The following NAV3 variants were observed in gnomAD, a reference collection of about 807,000 sequenced individuals.
The protein encoded by NAV3 is pore membrane and/or filament interacting like protein 1.
A neutral mutation model predicts 244.7 loss-of-function variants in NAV3; 87 were observed. The observed-to-expected ratio is 0.36, with a 90% confidence interval of 0.30 to 0.42. The LOEUF is 0.42. Ranked by LOEUF, NAV3 falls within the 20% of genes least tolerant of loss-of-function variation. NAV3 has a pLI of 1.00. For missense variants in NAV3, 2,663 were observed against 2,893.3 expected (o/e 0.92, Z 1.83); for synonymous variants, 1,126 against 1,042.2 (o/e 1.08, Z -1.55).
chr12:77,971,683 A>C (rs1011148649), intron 5 of NAV3, among the ~76,000 whole-genome samples: 1 of 152,150 alleles, frequency 6.6e-6, no homozygotes, highest in Non-Finnish European at 1.5e-5. Flanking sequence ...GGTGTGAGTC[A>C]TAAATCATGA....
chr12:77,947,734 T>A (rs1890497034), intron 3 of NAV3, among the ~76,000 whole-genome samples: 1 of 152,010 alleles, frequency 6.6e-6, no homozygotes, highest in Non-Finnish European at 1.5e-5. Context: ...GATTTCATTA[T>A]TTTTATACAA....
intron 1 of NAV3, among the ~76,000 whole-genome samples, chr12:77,938,432 T>C (rs1255303994): frequency 6.6e-6 from 1 of 152,178 alleles, no homozygotes; most frequent in African/African-American, 2.4e-5. Context: ...TGGATATTAA[T>C]AAAAGGAGAT....
At chr12:78,190,472 C>G (rs115746531) in intron 34 of NAV3, among the ~76,000 whole-genome samples, 1,967 of 151,992 alleles carry the variant, frequency 0.013, 33 homozygotes, top group African/African-American at 0.045. Context: ...TGACAGGTCT[C>G]CTATGGCATG....
At chr12:77,967,088 T>C (rs1488973118) in intron 4 of NAV3, among the ~76,000 whole-genome samples, 3 of 152,090 alleles carry the variant, frequency 2.0e-5, no homozygotes, top group African/African-American at 7.2e-5. Context: ...CTGGTAGTTC[T>C]GTAACTTCGA....
At chr12:78,139,724 GA>G (rs145572148) in intron 19 of NAV3, among the ~76,000 whole-genome samples, 27 of 147,154 alleles carry the variant, frequency 1.8e-4, no homozygotes, top group African/African-American at 3.7e-4. Context: ...ACATCACCTT[GA>G]AAAAAAAAAG....
chr12:77,632,584 T>G (rs1871963594), intron 2 of NAV3, among the ~76,000 whole-genome samples: 1 of 152,160 alleles, frequency 6.6e-6, no homozygotes, highest in Admixed American at 6.6e-5. Context: ...CCACGACACG[T>G]GGGAATTGTG....
intron 12 of NAV3, among the ~76,000 whole-genome samples, chr12:78,089,393 A>G (rs1953806523): frequency 6.6e-6 from 1 of 152,160 alleles, no homozygotes. Context: ...TATTAAGAGA[A>G]CCACAGCACT....
chr12:77,717,400 C>G (rs779060507), intron 2 of NAV3, among the ~76,000 whole-genome samples: 49 of 152,026 alleles, frequency 3.2e-4, no homozygotes, highest in Non-Finnish European at 6.3e-4. Flanking sequence ...TGGCTTATTT[C>G]ACTTATCATG....
rs1371711747 is a variant in NAV3, at chr12:77,823,764, G to C, written c.73-116555G>C. On this transcript the variant is annotated intron_variant, in intron 2 of 8. Transcript: ENST00000550042. ...AGCAATGTGACATGACTCATATCCA[G>C]GAGGGAAAAAAATCCATTAATGGAA... Among the ~76,000 whole-genome samples, 3 of 151,950 alleles carry C rather than the reference G, an allele frequency of 2.0e-5. No homozygotes were observed. The East Asian group carries it at 5.8e-4, about 29-fold the overall frequency.
chr12:77,950,447 T>C (rs568287588), intron 3 of NAV3: 1 of 152,292 alleles, frequency 6.6e-6, no homozygotes, highest in Non-Finnish European at 1.5e-5. Flanking sequence ...TTATATGTCT[T>C]CAGTATATCT....
intron 2 of NAV3, among the ~76,000 whole-genome samples, chr12:77,662,654 C>CTTTACA (rs1873519498): frequency 1.3e-5 from 2 of 152,000 alleles, no homozygotes; most frequent in Admixed American, 1.3e-4. Flanking sequence ...CTTTTCCTAA[C>CTTTACA]TATGATTAAT....
At chr12:77,713,844 T>C (rs921740122) in intron 2 of NAV3, among the ~76,000 whole-genome samples, 1 of 152,140 alleles carries the variant, frequency 6.6e-6, no homozygotes, top group Admixed American at 6.6e-5. Context: ...TTCTTGGTTA[T>C]TGTGGGCTAG....
At chr12:77,971,520 G>A (rs1183728457) in intron 5 of NAV3, among the ~76,000 whole-genome samples, 3 of 151,954 alleles carry the variant, frequency 2.0e-5, no homozygotes, top group Non-Finnish European at 4.4e-5. Flanking sequence ...TAGAATTTAT[G>A]TGGACTTACC....
chr12:77,728,442 A>C (rs1876977322), intron 2 of NAV3, among the ~76,000 whole-genome samples: 1 of 152,024 alleles, frequency 6.6e-6, no homozygotes, highest in African/African-American at 2.4e-5. Flanking sequence ...GTGAATACTG[A>C]AGAAGTGGGC....
chr12:78,189,909 CT>C, intron 33 of NAV3, 74 bp from the exon 34 acceptor site: 2 of 1,073,990 alleles, frequency 1.9e-6, no homozygotes, highest in Non-Finnish European at 2.8e-6. Context: ...AATGCTGTTG[CT>C]GTTTAGCATG....
intron 8 of NAV3, among the ~76,000 whole-genome samples, 171 bp from the exon 9 acceptor site, chr12:78,021,576 G>A (rs563826864): frequency 6.6e-6 from 1 of 152,210 alleles, no homozygotes; most frequent in South Asian, 2.1e-4. Flanking sequence ...GGTTGTGTAT[G>A]AAAAATAACA....
chr12:77,954,220 T>A (rs903831436), intron 3 of NAV3, among the ~76,000 whole-genome samples: 38 of 152,208 alleles, frequency 2.5e-4, no homozygotes, highest in African/African-American at 8.7e-4. Flanking sequence ...TTTCTGTCTT[T>A]ACCTTTACAC....
intron 1 of NAV3, among the ~76,000 whole-genome samples, chr12:77,855,320 A>C (rs949880223): frequency 6.6e-6 from 1 of 152,242 alleles, no homozygotes; most frequent in Non-Finnish European, 1.5e-5. Context: ...ATCATCAAAT[A>C]TTGTCTGAAA....
Position 78,185,745 on chromosome 12 carries a change from C to T in NAV3, c.5790+47C>T, listed in dbSNP as rs183699971. ...CTTTATTACTAACAATGAGAATTAC[C>T]ATGAGTCAAGTGTATTTTATGTGTG... is the stretch of plus-strand genomic sequence containing the variant. On this transcript the variant is annotated intron_variant, in intron 31 of 39. Coordinates refer to ENST00000397909, the MANE Select transcript of NAV3 (RefSeq NM_001024383.2). 2,783 of 1,489,970 alleles carry T rather than the reference C, an allele frequency of 1.9e-3. 5 individuals are homozygous for T. Among genetic ancestry groups the T allele is most frequent in the Non-Finnish European group, 2.3e-3 (2,428 of 1,075,580 alleles). The allele number at this position is 1,489,970 out of a possible 1,614,324, so 92.3% of individuals were successfully genotyped here.
Sources: allele counts gnomAD v4.1 joint callset (sites outside exome capture counted in the v4.1 genomes callset), GRCh38; gene constraint gnomAD v4.1.1; transcripts MANE v1.5; gene names NCBI Gene and HGNC (gene_info 2026-07-23, HGNC 2026-07-21).